Variants in KIAA0825 observed in about 807,000 individuals in gnomAD.
KIAA0825 encodes uncharacterized protein KIAA0825.
KIAA0825 carries 119 observed loss-of-function variants against 147.6 expected under a neutral mutation model. That is an observed-to-expected ratio of 0.81 (90% CI 0.69 to 0.94). KIAA0825 has a LOEUF of 0.94. Ranked by LOEUF, KIAA0825 falls within the 40% of genes least tolerant of loss-of-function variation. KIAA0825 has a pLI of 0.00. For missense variants in KIAA0825, 1,381 were observed against 1,472.7 expected (o/e 0.94, Z 1.02); for synonymous variants, 470 against 518.1 (o/e 0.91, Z 1.26).
At chr5:94,210,460 G>A (rs980961574) in intron 20 of KIAA0825, among the ~76,000 whole-genome samples, 5 of 152,176 alleles carry the variant, frequency 3.3e-5, no homozygotes, top group African/African-American at 4.8e-5. Flanking sequence ...AAATGTAACA[G>A]TGAACTCATC....
intron 13 of KIAA0825, among the ~76,000 whole-genome samples, chr5:94,447,217 A>G (rs1321057187): frequency 6.6e-6 from 1 of 152,098 alleles, no homozygotes; most frequent in Non-Finnish European, 1.5e-5. Context: ...ATGGATCTGT[A>G]GTCTTAAGAG....
At position 94,441,606 on chromosome 5, in the gene KIAA0825, G is replaced by T. The variant is rs190032508; in HGVS notation, c.2358-1485C>A. On this transcript the variant is annotated intron_variant, in intron 13 of 20. Transcript: ENST00000682413. ...GGGATTATAGTCCTTCTAAGAAGAGGCTGGAGAGTTAGCCTGACCTCTTTC... is the reference window on the plus strand; with the variant it reads ...GGGATTATAGTCCTTCTAAGAAGAGTCTGGAGAGTTAGCCTGACCTCTTTC... Among the ~76,000 whole-genome samples the T allele has an allele frequency of 3.6e-3, 550 of 152,262 alleles. 3 individuals are homozygous for T. Among genetic ancestry groups the T allele is most frequent in the Non-Finnish European group, 3.9e-3 (267 of 68,026 alleles).
At chr5:94,503,065 C>CAAAA (rs34563969) in intron 5 of KIAA0825, among the ~76,000 whole-genome samples, 17 of 142,286 alleles carry the variant, frequency 1.2e-4, no homozygotes, top group African/African-American at 3.6e-4. Flanking sequence ...GACTCCATCT[C>CAAAA]AAAAAAAAAT....
intron 5 of KIAA0825, chr5:94,519,298 A>G: frequency 1.1e-6 from 1 of 907,826 alleles, no homozygotes; most frequent in South Asian, 5.1e-5. Context: ...CATAAATTCA[A>G]AGATCCATAA....
At chr5:94,167,359 G>A (rs1482725275) in intron 20 of KIAA0825, among the ~76,000 whole-genome samples, 4 of 152,054 alleles carry the variant, frequency 2.6e-5, no homozygotes, top group African/African-American at 9.7e-5. Context: ...TTCTGTATAG[G>A]TTGTAATTTT....
chr5:94,266,178 G>A (rs2150137378), intron 20 of KIAA0825, among the ~76,000 whole-genome samples: 1 of 152,254 alleles, frequency 6.6e-6, no homozygotes, highest in Admixed American at 6.5e-5. Context: ...TAAAATTCAA[G>A]CATTCAAGTA....
intron 12 of KIAA0825, among the ~76,000 whole-genome samples, chr5:94,455,867 C>T (rs1021943002): frequency 6.6e-6 from 1 of 151,916 alleles, no homozygotes; most frequent in African/African-American, 2.4e-5. Context: ...AAGGAGTTAC[C>T]CAAGGTTGGA....
intron 20 of KIAA0825, among the ~76,000 whole-genome samples, chr5:94,350,275 G>T (rs1388158154): frequency 6.6e-6 from 1 of 152,126 alleles, no homozygotes; most frequent in Non-Finnish European, 1.5e-5. Flanking sequence ...CAGCGAGATT[G>T]AAATAGTAAT....
At chr5:94,457,050 A>G (rs146221903) in intron 12 of KIAA0825, among the ~76,000 whole-genome samples, 1 of 152,342 alleles carries the variant, frequency 6.6e-6, no homozygotes, top group East Asian at 1.9e-4. Context: ...TGGTTATAGT[A>G]AGGTTATTTG....
chr5:94,205,299 A>T (rs1365320312), intron 20 of KIAA0825, among the ~76,000 whole-genome samples: 62 of 137,890 alleles, frequency 4.5e-4, no homozygotes, highest in African/African-American at 1.1e-3. Context: ...ATATATATAT[A>T]TTTTGTTTTG....
At chr5:94,521,013 C>A in intron 4 of KIAA0825, 96 bp from the exon 5 acceptor site, 1 of 1,049,340 alleles carries the variant, frequency 9.5e-7, no homozygotes, top group Non-Finnish European at 1.3e-6. Context: ...AGGTTGAAAT[C>A]AATACTCTAA....
At chr5:94,509,891 C>T (rs1452392845) in intron 5 of KIAA0825, among the ~76,000 whole-genome samples, 1 of 152,212 alleles carries the variant, frequency 6.6e-6, no homozygotes, top group South Asian at 2.1e-4. Context: ...AAGAAAAATG[C>T]CCATTAAAAG....
chr5:94,496,328 C>T (rs990086979), intron 5 of KIAA0825, among the ~76,000 whole-genome samples: 11 of 152,204 alleles, frequency 7.2e-5, no homozygotes, highest in South Asian at 2.1e-4. Context: ...GGCTACTCTG[C>T]GCTACAATGG....
intron 20 of KIAA0825, among the ~76,000 whole-genome samples, chr5:94,231,192 A>G (rs533622887): frequency 6.6e-6 from 1 of 152,194 alleles, no homozygotes; most frequent in Admixed American, 6.5e-5. Flanking sequence ...TAAAAAGGTC[A>G]TAACATTAAT....
intron 20 of KIAA0825, among the ~76,000 whole-genome samples, chr5:94,237,607 C>T (rs1268501108): frequency 2.0e-5 from 3 of 152,140 alleles, no homozygotes; most frequent in African/African-American, 7.2e-5. Flanking sequence ...CTTGTATTAT[C>T]CCACTTTAGT....
chr5:94,317,846 A>G (rs888476767), intron 20 of KIAA0825, among the ~76,000 whole-genome samples: 1 of 151,910 alleles, frequency 6.6e-6, no homozygotes, highest in Non-Finnish European at 1.5e-5. Context: ...TATAAATTAC[A>G]TTTTCCATAA....
At chr5:94,471,918 A>G (rs184797793) in intron 8 of KIAA0825, among the ~76,000 whole-genome samples, 187 bp from the exon 9 acceptor site, 5 of 152,342 alleles carry the variant, frequency 3.3e-5, no homozygotes, top group Admixed American at 3.3e-4. Flanking sequence ...AGGAAATACC[A>G]AAACAATGCT....
intron 15 of KIAA0825, among the ~76,000 whole-genome samples, chr5:94,410,838 G>A (rs962231852): frequency 1.3e-5 from 2 of 151,914 alleles, no homozygotes; most frequent in African/African-American, 4.8e-5. Context: ...CCAGAGATTT[G>A]TAATACAAGA....
intron 20 of KIAA0825, among the ~76,000 whole-genome samples, chr5:94,265,812 AC>A (rs1277124932): frequency 6.6e-6 from 1 of 152,172 alleles, no homozygotes; most frequent in African/African-American, 2.4e-5. Flanking sequence ...AAACAAGCAA[AC>A]AAACAAACAA....
Sources: gnomAD v4.1 joint callset for allele counts (sites outside exome capture counted in the v4.1 genomes callset) on GRCh38, gnomAD v4.1.1 for gene constraint, MANE v1.5 for transcripts, NCBI Gene and HGNC (gene_info 2026-07-23, HGNC 2026-07-21) for gene names.